Variants in RAD54L2 observed in about 807,000 individuals in gnomAD.
RAD54L2 encodes the protein helicase ARIP4.
In RAD54L2, 27 loss-of-function variants were observed where a neutral mutation model predicts 138.4. The observed-to-expected ratio is 0.20, with a 90% CI of 0.14 to 0.27. RAD54L2 has a LOEUF of 0.27. Ranked by LOEUF, RAD54L2 falls within the 10% of genes least tolerant of loss-of-function variation. The pLI, the probability that RAD54L2 is intolerant of heterozygous loss-of-function variation, is 1.00. For synonymous variants in RAD54L2, 644 were observed against 723.2 expected (o/e 0.89, Z 1.76); for missense variants, 1,396 against 1,890.2 (o/e 0.74, Z 4.85).
At chr3:51,607,550 C>A (rs1321836482) in intron 3 of RAD54L2, among the ~76,000 whole-genome samples, 3 of 152,222 alleles carry the variant, frequency 2.0e-5, no homozygotes, top group Non-Finnish European at 4.4e-5. Flanking sequence ...TTTCTTTTCC[C>A]CACATTTCCC....
rs994396106 is a variant in RAD54L2 at position 51,666,190 on chromosome 3, T to C, written c.*2770T>C. The C allele has an allele frequency of 2.2e-5, 2 of 91,086 alleles. No homozygotes were observed. The allele number at this position is 91,086 out of a possible 1,614,324, so 5.6% of individuals were successfully genotyped here. A position where few individuals can be genotyped will look rare whatever the true frequency, so the allele number is the denominator to read the frequency against. On this transcript the variant is annotated 3_prime_UTR_variant, in exon 23 of 23. Transcript: ENST00000684192. ...TGGTTTTTGCTTTTTTTTTTTTTTT[T>C]TTTTTTTTTTTTTTTTTTTAAAGAA...
chr3:51,627,782 G>C, intron 4 of RAD54L2, 28 bp downstream of exon 4: 1 of 1,610,234 alleles, frequency 6.2e-7, no homozygotes, highest in Non-Finnish European at 8.5e-7. Context: ...TAAGAGGAGA[G>C]GGAAAGGAAT....
Position 51,639,892 on chromosome 3 carries a change from T to C in RAD54L2, c.2124T>C (p.Leu708=). 1 of 1,605,266 alleles carries C rather than the reference T, an allele frequency of 6.2e-7. No homozygotes were observed. The highest frequency in any genetic ancestry group is 1.3e-5 in the African/African-American group (1 of 74,908). Residue 708 remains leucine, a synonymous_variant, in exon 14 of 23, where the codon CTT becomes CTC. Transcript: ENST00000684192. The part of the protein sequence containing the change: ...NIVTYEWAKD[L]LTNYQTGVLE... ...TTTCTCTCTTGCAGGCCAAGGACCT[T>C]CTGACTAATTACCAGACTGGAGTCC... is the stretch of plus-strand genomic sequence containing the variant.
At chr3:51,620,139 C>G (rs1227434460) in intron 3 of RAD54L2, among the ~76,000 whole-genome samples, 4 of 151,662 alleles carry the variant, frequency 2.6e-5, no homozygotes, top group Admixed American at 6.6e-5. Context: ...GTTGCCCAGA[C>G]TAGAGTGTGG....
intron 9 of RAD54L2, among the ~76,000 whole-genome samples, chr3:51,634,358 ATTTTTTTTT>A (rs61565460): frequency 5.3e-5 from 5 of 94,962 alleles, no homozygotes; most frequent in Admixed American, 1.1e-4. Flanking sequence ...CCACTGTCTG[ATTTTTTTTT>A]TTTTTTTTTT....
At chr3:51,658,140 G>T (rs1014684359) in intron 21 of RAD54L2, among the ~76,000 whole-genome samples, 12 of 151,456 alleles carry the variant, frequency 7.9e-5, no homozygotes, top group African/African-American at 2.4e-4. Flanking sequence ...CATTATGTTG[G>T]CCAGGATGGT....
chr3:51,577,228 G>A (rs1699500425), intron 2 of RAD54L2, among the ~76,000 whole-genome samples: 1 of 152,122 alleles, frequency 6.6e-6, no homozygotes, highest in African/African-American at 2.4e-5. Flanking sequence ...TATAATTTCT[G>A]TTCGTTTACA....
chr3:51,575,516 T>TTG (rs1699459569), intron 2 of RAD54L2, among the ~76,000 whole-genome samples: 1 of 152,220 alleles, frequency 6.6e-6, no homozygotes, highest in South Asian at 2.1e-4. Context: ...TGTCCTCTTA[T>TTG]ATTTCATTGA....
Position 51,645,518 on chromosome 3 carries a change from A to G in RAD54L2, c.2657-73A>G. 1.4e-6 allele frequency: 2 copies of G among 1,403,208 alleles called. No homozygotes were observed. The highest frequency in any genetic ancestry group is 1.4e-5 in the South Asian group (1 of 69,660). The allele number at this position is 1,403,208 out of a possible 1,614,324, so 86.9% of individuals were successfully genotyped here. A position where few individuals can be genotyped will look rare whatever the true frequency, so the allele number is the denominator to read the frequency against. On this transcript the variant is annotated intron_variant, in intron 17 of 22. Transcript: ENST00000684192. This position sits in a 1 kb window ranked among gnomAD's most constrained non-coding sequence, Gnocchi z 6.1. ...GTCTTTGACTTTCAGATATGGGATG[A>G]CTTTTCATTATTAGTGACCTTTACA...
intron 4 of RAD54L2, 27 bp from the exon 5 acceptor site, chr3:51,629,307 A>G: frequency 6.4e-7 from 1 of 1,567,648 alleles, no homozygotes; most frequent in Non-Finnish European, 8.7e-7. Flanking sequence ...ATTGAACCCA[A>G]GTGCTGTCTC....
intron 3 of RAD54L2, among the ~76,000 whole-genome samples, chr3:51,609,233 A>G (rs957070095): frequency 2.0e-5 from 3 of 152,178 alleles, no homozygotes; most frequent in African/African-American, 7.2e-5. Context: ...CTCTGACCAG[A>G]GTTTACTCTC....
At chr3:51,627,056 T>C (rs1344353559) in intron 3 of RAD54L2, among the ~76,000 whole-genome samples, 1 of 152,132 alleles carries the variant, frequency 6.6e-6, no homozygotes, top group Admixed American at 6.5e-5. Context: ...CTTACAAATA[T>C]CCCTTGAAGC....
chr3:51,649,422 A>G (rs1315312288), intron 19 of RAD54L2, among the ~76,000 whole-genome samples: 1 of 152,204 alleles, frequency 6.6e-6, no homozygotes, highest in African/African-American at 2.4e-5. Flanking sequence ...GCAGGCCAAC[A>G]TTCAAATTCA....
chr3:51,554,152 TGATCAAGAGATC>T (rs1333393499), intron 2 of RAD54L2, among the ~76,000 whole-genome samples: 2 of 151,998 alleles, frequency 1.3e-5, no homozygotes, highest in Non-Finnish European at 2.9e-5. Context: ...AGGCTGGGCG[TGATCAAGAGATC>T]GAGAGCAGCC....
rs560663801 is a variant in RAD54L2 at position 51,590,573 on chromosome 3, A to G, written c.139+14A>G. 6.4e-6 allele frequency: 10 copies of G among 1,552,340 alleles called. No homozygotes were observed. Among genetic ancestry groups the G allele is most frequent in the East Asian group, 4.9e-5 (2 of 40,910 alleles). On this transcript the variant is annotated intron_variant, in intron 3 of 22. Transcript: ENST00000684192. ...ACCTGCTGGATGGTAAGTGGGCTCT[A>G]TTGAGTGACAGAAGTTGCCTTATAT...
intron 2 of RAD54L2, among the ~76,000 whole-genome samples, chr3:51,572,502 C>T (rs1247412659): frequency 6.6e-6 from 1 of 151,040 alleles, no homozygotes; most frequent in East Asian, 2.0e-4. Flanking sequence ...CCTGTAATCC[C>T]AGCTACTTGG....
chr3:51,636,947 AAG>A, intron 10 of RAD54L2: 1 of 577,246 alleles, frequency 1.7e-6, no homozygotes, highest in South Asian at 2.1e-5. Flanking sequence ...AAGAAAAAAA[AAG>A]AGTCAACTGC....
At chr3:51,644,060 T>C in intron 16 of RAD54L2, 86 bp downstream of exon 16, 2 of 988,826 alleles carry the variant, frequency 2.0e-6, no homozygotes, top group Non-Finnish European at 3.0e-6. Flanking sequence ...CCAAGTTCCC[T>C]CAGAAGAGAT....
chr3:51,551,498 C>G (rs1425894674), intron 2 of RAD54L2, among the ~76,000 whole-genome samples: 1 of 151,048 alleles, frequency 6.6e-6, no homozygotes, highest in Non-Finnish European at 1.5e-5. Context: ...TGCAGTGGCG[C>G]GATCTCGGCT....
Sources: gnomAD v4.1 joint callset for allele counts (sites outside exome capture counted in the v4.1 genomes callset) on GRCh38, gnomAD v4.1.1 for gene constraint, Gnocchi (gnomAD v3.1) non-coding constraint, MANE v1.5 for transcripts, NCBI Gene and HGNC (gene_info 2026-07-23, HGNC 2026-07-21) for gene names.